C2CD3: variants seen among roughly 807,000 people sequenced by gnomAD.
The protein encoded by C2CD3 is C2 domain containing 3 centriole elongation regulator.
C2CD3 carries 148 observed loss-of-function variants against 234.0 expected under a neutral mutation model. The observed-to-expected ratio is 0.63, with a 90% CI of 0.55 to 0.72. C2CD3 has a LOEUF of 0.72. C2CD3 is among the 30% of genes least tolerant of loss of function. C2CD3 has a pLI of 0.00. For synonymous variants in C2CD3, 1,000 were observed against 1,035.4 expected, an observed-to-expected ratio of 0.97 and a Z score of 0.66; for missense variants, 2,577 against 2,811.5, an observed-to-expected ratio of 0.92 and a Z score of 1.89.
chr11:74,066,192 C>A (rs528975073), intron 24 of C2CD3, among the ~76,000 whole-genome samples: 1 of 136,660 alleles, frequency 7.3e-6, no homozygotes, highest in Non-Finnish European at 1.5e-5. Flanking sequence ...CAAACTATCT[C>A]AAGGACAGAA....
intron 25 of C2CD3, 36 bp from the exon 26 acceptor site, chr11:74,054,707 T>C (rs773006343): frequency 9.1e-6 from 13 of 1,430,512 alleles, no homozygotes; most frequent in Admixed American, 1.8e-5. Flanking sequence ...ACTAAATGTA[T>C]AGGAACTTTC....
chr11:74,145,274 G>A (rs1855100263), intron 3 of C2CD3, among the ~76,000 whole-genome samples: 1 of 152,126 alleles, frequency 6.6e-6, no homozygotes, highest in Non-Finnish European at 1.5e-5. Context: ...ACTGGTGTAA[G>A]CCATTCTCAC....
rs12574038 is a variant in C2CD3 at position 74,094,926 on chromosome 11, A to G, written c.3160+302T>C. 0.18 allele frequency among the ~76,000 whole-genome samples: 27,336 copies of G among 152,090 alleles called. 2,661 individuals are homozygous for G. Among genetic ancestry groups the G allele is most frequent in the East Asian group, 0.3 (1,541 of 5,168 alleles). On this transcript the variant is annotated intron_variant, in intron 17 of 32. Coordinates refer to ENST00000334126, the MANE Select transcript of C2CD3 (RefSeq NM_001286577.2). ...ATCAACTTATACTATGTGTATAGATAAGAGTGGGCATGTAAAGGATATAAA... is the reference window on the plus strand; with the variant it reads ...ATCAACTTATACTATGTGTATAGATGAGAGTGGGCATGTAAAGGATATAAA...
rs768967586 is a variant in C2CD3 at position 74,106,446 on chromosome 11, T to C, written c.2010A>G (p.Gln670=). The C allele has an allele frequency of 2.2e-5, 36 of 1,613,888 alleles. No homozygotes were observed. The highest frequency in any genetic ancestry group is 5.0e-5 in the Admixed American group (3 of 60,002). ...GATCACTGAAAGAAAGCAGCTCTGA[T>C]TGAATGACAGCTCGCAAAGAAAGTG... The part of the protein sequence containing the change: ...SVSLSLRAVI[Q]SELLSFSDQL... Residue 670 remains glutamine, a synonymous_variant, in exon 13 of 33, where the codon CAA becomes CAG. Transcript: ENST00000334126.
intron 24 of C2CD3, among the ~76,000 whole-genome samples, chr11:74,068,221 G>A (rs555042385): frequency 6.6e-6 from 1 of 152,152 alleles, no homozygotes; most frequent in South Asian, 2.1e-4. Context: ...GCCTGATATA[G>A]CTTTCATCTC....
rs1454472919 is a variant in C2CD3 at position 74,116,948 on chromosome 11, GTATATA to G, written c.1520+1274_1520+1279del. On this transcript the variant is annotated intron_variant, in intron 9 of 32. Coordinates refer to ENST00000334126, the MANE Select transcript of C2CD3 (RefSeq NM_001286577.2). ...TACACGTGTATATACACATATACACGTATATATGTGTATATACACATATACACGTAT... is the reference window on the plus strand; with the variant it reads ...TACACGTGTATATACACATATACACGTGTGTATATACACATATACACGTAT... Among the ~76,000 whole-genome samples, 293 of 100,824 alleles carry G rather than the reference GTATATA, an allele frequency of 2.9e-3. 3 individuals are homozygous for G. The highest frequency in any genetic ancestry group is 0.027 in the Middle Eastern group (4 of 150). The allele number at this position is 100,824 out of a possible 152,430, so 66.1% of individuals were successfully genotyped here.
intron 26 of C2CD3, among the ~76,000 whole-genome samples, chr11:74,054,177 CAGG>C (rs1489959342): frequency 6.7e-6 from 1 of 150,104 alleles, no homozygotes; most frequent in African/African-American, 2.5e-5. Context: ...GGGGCTGAGG[CAGG>C]AGAATGGCGT....
At chr11:74,033,104 T>C (rs910432083) in intron 31 of C2CD3, among the ~76,000 whole-genome samples, 1 of 152,156 alleles carries the variant, frequency 6.6e-6, no homozygotes, top group Non-Finnish European at 1.5e-5. Context: ...AACAGATGAA[T>C]TGGATAAATC....
At chr11:74,133,159 G>A (rs966032935) in intron 6 of C2CD3, among the ~76,000 whole-genome samples, 187 bp from the exon 7 acceptor site, 22 of 152,164 alleles carry the variant, frequency 1.4e-4, no homozygotes, top group Non-Finnish European at 2.4e-4. Flanking sequence ...TCATTTCTGT[G>A]AGGTAGGGAG....
intron 30 of C2CD3, among the ~76,000 whole-genome samples, chr11:74,035,081 G>A (rs1433962996): frequency 1.3e-5 from 2 of 152,182 alleles, no homozygotes; most frequent in African/African-American, 4.8e-5. Context: ...TATTTGAGAG[G>A]AGAAAATTAG....
At chr11:74,132,305 T>C (rs895437645) in intron 7 of C2CD3, among the ~76,000 whole-genome samples, 4 of 152,080 alleles carry the variant, frequency 2.6e-5, no homozygotes, top group Admixed American at 2.6e-4. Context: ...GAGCTGAGAC[T>C]GTACCATGGC....
chr11:74,129,615 C>T (rs1420032887), intron 7 of C2CD3: 18 of 163,656 alleles, frequency 1.1e-4, no homozygotes, highest in Non-Finnish European at 9.8e-5. Context: ...AGAGGGGATC[C>T]TCACATCCCA....
chr11:74,038,498 T>C (rs947771908), intron 29 of C2CD3, among the ~76,000 whole-genome samples: 1 of 152,214 alleles, frequency 6.6e-6, no homozygotes, highest in African/African-American at 2.4e-5. Context: ...AGAAGTTAAG[T>C]GACTTGTCCA....
intron 5 of C2CD3, among the ~76,000 whole-genome samples, chr11:74,136,494 G>C (rs1957864514): frequency 6.6e-6 from 1 of 152,196 alleles, no homozygotes; most frequent in Non-Finnish European, 1.5e-5. Context: ...TTACCTTAAA[G>C]TCTGAGACAG....
chr11:74,043,996 T>A (rs569847055), intron 28 of C2CD3, among the ~76,000 whole-genome samples: 4 of 152,114 alleles, frequency 2.6e-5, no homozygotes, highest in Admixed American at 2.0e-4. Context: ...AGTAGTTTTT[T>A]AATTTTTTGT....
chr11:74,062,475 C>T (rs1314456611), intron 24 of C2CD3, among the ~76,000 whole-genome samples: 1 of 152,176 alleles, frequency 6.6e-6, no homozygotes, highest in Non-Finnish European at 1.5e-5. Context: ...GAAATTCACT[C>T]AAAACTGCTC....
Position 74,129,170 on chromosome 11 carries a change from G to T in C2CD3, c.1217+3674C>A, listed in dbSNP as rs1957534431. 1.7e-4 allele frequency: 30 copies of T among 176,184 alleles called. No individual in the cohort carries two copies. The South Asian group carries it at 3.0e-3, about 17-fold the overall frequency. 10.9% of individuals were successfully genotyped at this position (176,184 alleles called of 1,614,324 possible). A position where few individuals can be genotyped will look rare whatever the true frequency, so the allele number is the denominator to read the frequency against. On this transcript the variant is annotated intron_variant, in intron 7 of 32. Coordinates refer to ENST00000334126, the MANE Select transcript of C2CD3 (RefSeq NM_001286577.2). ...CCCGGACGGGGCGGCTGGCCGGGCG[G>T]GGAGCTGACCCCTCACCTCCCTCCG...
At chr11:74,051,051 T>C (rs1953657862) in intron 26 of C2CD3, among the ~76,000 whole-genome samples, 1 of 150,712 alleles carries the variant, frequency 6.6e-6, no homozygotes, top group Admixed American at 6.6e-5. Context: ...CTTTGGGAGG[T>C]TGAGGAGGGA....
At chr11:74,114,327 C>T in intron 10 of C2CD3, 57 bp downstream of exon 10, 10 of 1,145,950 alleles carry the variant, frequency 8.7e-6, no homozygotes, top group Non-Finnish European at 7.8e-6. Flanking sequence ...TTGATTATTA[C>T]CATCAGACAC....
Sources: gnomAD v4.1 joint callset for allele counts (sites outside exome capture counted in the v4.1 genomes callset) on GRCh38, gnomAD v4.1.1 for gene constraint, MANE v1.5 for transcripts, NCBI Gene and HGNC (gene_info 2026-07-23, HGNC 2026-07-21) for gene names.